APOL5: variants seen among roughly 807,000 people sequenced by gnomAD.
APOL5 encodes apolipoprotein L5.
In APOL5, 29 loss-of-function variants were observed where a neutral mutation model predicts 35.5. The observed-to-expected ratio is 0.82, with a 90% CI of 0.61 to 1.11. APOL5 has a LOEUF of 1.11. Ranked by LOEUF, APOL5 falls within the 50% of genes most tolerant of loss-of-function variation. The pLI is 0.00. For missense variants in APOL5, 514 were observed against 530.4 expected (o/e 0.97, Z 0.30); for synonymous variants, 188 against 200.2 (o/e 0.94, Z 0.51).
At chr22:35,708,735 T>TAAC in the APOL5 span, among the ~76,000 whole-genome samples, 1 of 152,176 alleles carries the variant, frequency 6.6e-6, no homozygotes, top group African/African-American at 2.4e-5. Context: ...CTCCCTTGAG[T>TAAC]AGTTATATAT....
chr22:35,711,189 A>G, the APOL5 span, among the ~76,000 whole-genome samples: 2 of 152,164 alleles, frequency 1.3e-5, no homozygotes, highest in African/African-American at 4.8e-5. Flanking sequence ...AACAACAACA[A>G]AAAAAGCAAA....
chr22:35,722,805 T>A (rs1384625234), intron 2 of APOL5, among the ~76,000 whole-genome samples: 1 of 152,162 alleles, frequency 6.6e-6, no homozygotes, highest in African/African-American at 2.4e-5. Context: ...CCTAGATGTG[T>A]CACCGTGATT....
chr22:35,709,291 T>C, the APOL5 span, among the ~76,000 whole-genome samples: 1 of 152,188 alleles, frequency 6.6e-6, no homozygotes, highest in East Asian at 1.9e-4. Flanking sequence ...TGAATCAAAA[T>C]GTCTTTTCTT....
Position 35,728,897 on chromosome 22 carries a change from G to A in APOL5, c.1301G>A (p.Ter434=). Residue 434 remains the stop codon, a stop_retained_variant, in exon 4 of 5, where the codon TGA becomes TAA. Transcript: ENST00000249044. ...CAGGCCCCGGGAAGACACCGACAATGAGAAGAGGTAAGTGGGACGCAAGGA... is the reference window on the plus strand; with the variant it reads ...CAGGCCCCGGGAAGACACCGACAATAAGAAGAGGTAAGTGGGACGCAAGGA... ...GRQAPGRHRQ[*] The A allele has an allele frequency of 1.3e-6, 2 of 1,599,296 alleles. No homozygotes were observed. Among genetic ancestry groups the A allele is most frequent in the Non-Finnish European group, 1.7e-6 (2 of 1,173,318 alleles).
chr22:35,724,426 C>T (rs573562152), intron 2 of APOL5, among the ~76,000 whole-genome samples: 1 of 151,472 alleles, frequency 6.6e-6, no homozygotes, highest in East Asian at 1.9e-4. Context: ...AGCATCTGCT[C>T]CATACACTCT....
upstream of APOL5, among the ~76,000 whole-genome samples, chr22:35,713,629 G>A (rs946958182): frequency 6.6e-6 from 1 of 152,184 alleles, no homozygotes; most frequent in Non-Finnish European, 1.5e-5. Flanking sequence ...TTCTTTAGGA[G>A]GGGAAGCTGC....
In APOL5 at chr22:35,726,373, T is replaced by G. The variant is rs1230323364; in HGVS notation, c.305T>G (p.Phe102Cys). ...AATCTGTCAGAGGAGGAAAAATTGTTTCTCTCATATTTTCCTTTGCACAAG... is the reference window on the plus strand; with the variant it reads ...AATCTGTCAGAGGAGGAAAAATTGTGTCTCTCATATTTTCCTTTGCACAAG... ...DGNLSEEEKLFLSYFPLHKFE... is the reference protein window; with the variant it reads ...DGNLSEEEKLCLSYFPLHKFE... The change falls in exon 3 of 5, where the codon TTT becomes TGT. Residue 102 changes from phenylalanine (F) to cysteine (C), a missense_variant. Phe to Cys is a radical substitution (Grantham distance 205). This residue lies in a region of APOL5 where 254 missense variants were observed against 254.7 expected (regional missense o/e 1.00). Coordinates refer to ENST00000249044, the MANE Select transcript of APOL5 (RefSeq NM_030642.1). The G allele has an allele frequency of 1.2e-6, 2 of 1,614,122 alleles. No individual in the cohort carries two copies. The highest frequency in any genetic ancestry group is 8.5e-7 in the Non-Finnish European group (1 of 1,180,040).
chr22:35,708,427 GAAAAAAA>G, the APOL5 span, among the ~76,000 whole-genome samples: 7 of 129,194 alleles, frequency 5.4e-5, no homozygotes, highest in African/African-American at 1.9e-4. Flanking sequence ...TCAAAAAAAA[GAAAAAAA>G]AAAAAGAAAA....
chr22:35,726,694 C>A lies in APOL5; in HGVS notation c.626C>A (p.Thr209Lys). The A allele has an allele frequency of 6.2e-7, 1 of 1,614,244 alleles. No individual in the cohort carries two copies. The highest frequency in any genetic ancestry group is 8.5e-7 in the Non-Finnish European group (1 of 1,180,046). The change falls in exon 3 of 5, where the codon ACA becomes AAA. Residue 209 changes from threonine to lysine, a missense_variant. Transcript: ENST00000249044. Reference protein sequence around the residue: ...RDKASRLGPLTTSHEAFGGIN... With the variant: ...RDKASRLGPLKTSHEAFGGIN... ...AAAGCCAGCCGACTGGGGCCTCTGA[C>A]AACATCACATGAGGCTTTCGGAGGA...
At chr22:35,725,248 C>G (rs1404512354) in intron 2 of APOL5, among the ~76,000 whole-genome samples, 1 of 151,984 alleles carries the variant, frequency 6.6e-6, no homozygotes, top group Non-Finnish European at 1.5e-5. Context: ...AATTCGAGGA[C>G]TGGGTTTTTT....
chr22:35,711,131 T>G, the APOL5 span, among the ~76,000 whole-genome samples: 1 of 152,142 alleles, frequency 6.6e-6, no homozygotes, highest in Admixed American at 6.6e-5. Context: ...GATCACGCCA[T>G]TGGCACTCCA....
intron 3 of APOL5, 24 bp downstream of exon 3, chr22:35,727,218 G>A (rs1379726121): frequency 6.3e-7 from 1 of 1,578,960 alleles, no homozygotes; most frequent in South Asian, 1.1e-5. Context: ...GAATAACACG[G>A]ACGTGGTCTT....
At chr22:35,725,560 GT>G (rs886454715) in intron 2 of APOL5, among the ~76,000 whole-genome samples, 10 of 148,354 alleles carry the variant, frequency 6.7e-5, no homozygotes, top group African/African-American at 7.4e-5. Context: ...GCCAGGACTG[GT>G]TTTTTTTTTT....
At chr22:35,720,675 G>C in intron 2 of APOL5, 21 bp downstream of exon 2, 1 of 1,538,756 alleles carries the variant, frequency 6.5e-7, no homozygotes, top group South Asian at 1.1e-5. Flanking sequence ...AGAACAGGCT[G>C]TTATGCTTAT....
At chr22:35,723,275 A>G (rs1054565802) in intron 2 of APOL5, among the ~76,000 whole-genome samples, 2 of 152,166 alleles carry the variant, frequency 1.3e-5, no homozygotes, top group African/African-American at 4.8e-5. Flanking sequence ...TAGATGCTCA[A>G]TTAGGAGACA....
upstream of APOL5, among the ~76,000 whole-genome samples, chr22:35,713,281 T>C (rs1249644410): frequency 6.6e-5 from 10 of 152,242 alleles, no homozygotes; most frequent in Non-Finnish European, 2.9e-5. Flanking sequence ...ATTGAGAATG[T>C]GATCCATTCA....
chr22:35,724,040 G>A (rs1323182878), intron 2 of APOL5, among the ~76,000 whole-genome samples: 2 of 152,140 alleles, frequency 1.3e-5, no homozygotes, highest in East Asian at 1.9e-4. Flanking sequence ...CCCGTGGAAG[G>A]GGGATTTGTG....
the APOL5 span, among the ~76,000 whole-genome samples, chr22:35,711,598 T>TTTTCCTTCCTTCCTTCCTTCCTTC: frequency 6.8e-4 from 65 of 95,886 alleles, 1 homozygote; most frequent in African/African-American, 2.7e-3. Flanking sequence ...TTCACCATGT[T>TTTTCCTTCCTTCCTTCCTTCCTTC]TTTCCTTCCT....
At chr22:35,720,480 A>T in intron 1 of APOL5, 88 bp from the exon 2 acceptor site, 1 of 1,093,310 alleles carries the variant, frequency 9.1e-7, no homozygotes, top group Non-Finnish European at 1.4e-6. Context: ...TATTGTAATT[A>T]GACAGCCAAC....
Sources: allele counts gnomAD v4.1 joint callset (sites outside exome capture counted in the v4.1 genomes callset), GRCh38; gene constraint gnomAD v4.1.1; regional missense constraint gnomAD v4.1.1; transcripts MANE v1.5; gene names NCBI Gene and HGNC (gene_info 2026-07-23, HGNC 2026-07-21).